Variants in SDCCAG8 observed in about 807,000 individuals in gnomAD.
SDCCAG8 encodes SHH signaling and ciliogenesis regulator SDCCAG8, also known as serologically defined colon cancer antigen 8.
Under a neutral mutation model 101.8 loss-of-function variants are expected in SDCCAG8, and 74 were observed. The ratio of observed to expected loss-of-function variants is 0.73; its 90% confidence interval spans 0.60 to 0.88. SDCCAG8 has a LOEUF of 0.88. Ranked by LOEUF, SDCCAG8 falls within the 40% of genes least tolerant of loss-of-function variation. The probability of loss-of-function intolerance (pLI) is 0.00; values close to 1 mark genes in which losing one functional copy is unlikely to be tolerated. For synonymous variants in SDCCAG8, 281 were observed against 292.9 expected (o/e 0.96, Z 0.41); for missense variants, 787 against 822.6 (o/e 0.96, Z 0.53).
chr1:243,385,226 CA>C (rs1036111456), intron 13 of SDCCAG8, among the ~76,000 whole-genome samples: 8 of 151,740 alleles, frequency 5.3e-5, no homozygotes, highest in African/African-American at 1.9e-4. Context: ...CCCATCTCCA[CA>C]AAAAATACAA....
intron 6 of SDCCAG8, among the ~76,000 whole-genome samples, chr1:243,298,842 T>C (rs1222875786): frequency 6.6e-6 from 1 of 152,236 alleles, no homozygotes; most frequent in Admixed American, 6.5e-5. Flanking sequence ...TACTATACTG[T>C]CTTGATTGTT....
intron 1 of SDCCAG8, among the ~76,000 whole-genome samples, chr1:243,263,969 T>A (rs1363336704): frequency 6.6e-6 from 1 of 151,942 alleles, no homozygotes; most frequent in Non-Finnish European, 1.5e-5. Flanking sequence ...ATTTCTTATC[T>A]CACTGTGGTT....
intron 6 of SDCCAG8, 40 bp downstream of exon 6, chr1:243,293,259 T>C: frequency 1.9e-6 from 3 of 1,592,372 alleles, no homozygotes; most frequent in Non-Finnish European, 2.6e-6. Context: ...ATCTTTTTTT[T>C]CTTTTTCTCT....
intron 3 of SDCCAG8, 38 bp downstream of exon 3, chr1:243,271,101 G>A (rs778632556): frequency 6.5e-6 from 9 of 1,381,600 alleles, no homozygotes; most frequent in African/African-American, 1.4e-5. Context: ...AAGCATTCCT[G>A]TGTTTTACTG....
chr1:243,375,298 G>A (rs558902287), intron 12 of SDCCAG8, among the ~76,000 whole-genome samples: 1 of 152,200 alleles, frequency 6.6e-6, no homozygotes, highest in Non-Finnish European at 1.5e-5. Flanking sequence ...GTTTGAAATC[G>A]GGGAGGTAGA....
At chr1:243,432,709 C>T (rs1011700073) in intron 16 of SDCCAG8, among the ~76,000 whole-genome samples, 16 of 151,976 alleles carry the variant, frequency 1.1e-4, no homozygotes, top group Non-Finnish European at 1.9e-4. Context: ...GGTGTGAAGA[C>T]GTTATTAGCC....
At position 243,348,934 on chromosome 1, in the gene SDCCAG8, C is replaced by G. The variant is rs139218903; in HGVS notation, c.1473+4603C>G. 5.4e-3 allele frequency among the ~76,000 whole-genome samples: 819 copies of G among 151,498 alleles called. 14 individuals carry two copies. Among genetic ancestry groups the G allele is most frequent in the African/African-American group, 0.018 (747 of 41,274 alleles). ...CCAGGAGGCGGACGTTGTGGTGAGC[C>G]GAGATCACGCCACTGCACTCCAGCC... On this transcript the variant is annotated intron_variant, in intron 12 of 17. Transcript: ENST00000366541.
chr1:243,434,070 C>T (rs938541441), intron 16 of SDCCAG8, among the ~76,000 whole-genome samples: 3 of 152,186 alleles, frequency 2.0e-5, no homozygotes, highest in African/African-American at 7.2e-5. Flanking sequence ...GCTCTTCTTG[C>T]TTTTAATTAT....
chr1:243,269,985 G>GTTTTTTTTTT, intron 1 of SDCCAG8, 120 bp from the exon 2 acceptor site: 2 of 1,388,024 alleles, frequency 1.4e-6, no homozygotes, highest in Admixed American at 1.9e-5. Context: ...AGAACTCTGC[G>GTTTTTTTTTT]TTTTTTCCAT....
intron 10 of SDCCAG8, among the ~76,000 whole-genome samples, chr1:243,332,977 G>T: frequency 6.6e-6 from 1 of 152,222 alleles, no homozygotes; most frequent in East Asian, 1.9e-4. Context: ...CAAATCACTT[G>T]TTCTTCTCAA....
At chr1:243,308,369 T>G (rs192484616) in intron 8 of SDCCAG8, among the ~76,000 whole-genome samples, 192 bp downstream of exon 8, 25 of 152,368 alleles carry the variant, frequency 1.6e-4, no homozygotes, top group Admixed American at 1.6e-3. Context: ...CATGTCACCA[T>G]GTCACTTTGA....
Position 243,414,300 on chromosome 1 carries a change from T to G in SDCCAG8, c.1617-1402T>G, listed in dbSNP as rs1573910852. Reference sequence around the variant, plus strand: ...CTTTCCAGGAAGAGGAAGAGACATGTGCAGTGATCCATGGCCAGAAAATAC... The same window carrying G: ...CTTTCCAGGAAGAGGAAGAGACATGGGCAGTGATCCATGGCCAGAAAATAC... On this transcript the variant is annotated intron_variant, in intron 13 of 17. Transcript: ENST00000366541. Among the ~76,000 whole-genome samples, 4 of 152,176 alleles carry G rather than the reference T, an allele frequency of 2.6e-5. No homozygotes were observed. In the South Asian group the frequency reaches 8.3e-4, roughly 32 times the overall value.
chr1:243,272,220 C>T (rs1365089858), intron 3 of SDCCAG8, among the ~76,000 whole-genome samples: 2 of 152,106 alleles, frequency 1.3e-5, no homozygotes, highest in Non-Finnish European at 2.9e-5. Flanking sequence ...AGCAAGTAAC[C>T]ACCTCACATT....
intron 13 of SDCCAG8, among the ~76,000 whole-genome samples, chr1:243,403,850 A>G (rs1178666380): frequency 6.6e-6 from 1 of 152,206 alleles, no homozygotes; most frequent in Non-Finnish European, 1.5e-5. Flanking sequence ...ATTATATGTT[A>G]CAGTGTAATA....
intron 13 of SDCCAG8, 105 bp downstream of exon 13, chr1:243,378,968 C>A: frequency 6.9e-7 from 1 of 1,445,400 alleles, no homozygotes; most frequent in Non-Finnish European, 9.7e-7. Flanking sequence ...ATTCAATTCA[C>A]ACTTAGCTTT....
chr1:243,487,922 G>A (rs1214526973), intron 16 of SDCCAG8: 3 of 152,750 alleles, frequency 2.0e-5, no homozygotes, highest in African/African-American at 7.2e-5. Context: ...CGGGCCCCTG[G>A]ACCAAAGACT....
At chr1:243,390,469 T>G (rs2078630861) in intron 13 of SDCCAG8, among the ~76,000 whole-genome samples, 2 of 152,206 alleles carry the variant, frequency 1.3e-5, no homozygotes, top group African/African-American at 4.8e-5. Context: ...TCCACCTGTT[T>G]GAAGGGCTAA....
intron 12 of SDCCAG8, among the ~76,000 whole-genome samples, chr1:243,372,969 AAT>A (rs201117010): frequency 4.2e-5 from 6 of 144,118 alleles, no homozygotes; most frequent in African/African-American, 7.6e-5. Flanking sequence ...TATATATCTT[AAT>A]ATATATATAA....
intron 12 of SDCCAG8, among the ~76,000 whole-genome samples, chr1:243,359,763 A>G (rs1023834051): frequency 6.6e-5 from 10 of 152,210 alleles, no homozygotes; most frequent in African/African-American, 1.9e-4. Context: ...ATGCATAGTG[A>G]GCTAAGAACA....
Sources: gnomAD v4.1 joint callset for allele counts (sites outside exome capture counted in the v4.1 genomes callset) on GRCh38, gnomAD v4.1.1 for gene constraint, MANE v1.5 for transcripts, NCBI Gene and HGNC (gene_info 2026-07-23, HGNC 2026-07-21) for gene names.